Variants in LRP2 observed in about 807,000 individuals in gnomAD.
LRP2 encodes the protein LDL receptor related protein 2, also known as low-density lipoprotein receptor-related protein 2.
LRP2 carries 172 observed loss-of-function variants against 531.0 expected under a neutral mutation model. The ratio of observed to expected loss-of-function variants is 0.32; its 90% CI spans 0.29 to 0.37. The LOEUF is 0.37. Among genes scored for constraint, LRP2 ranks in the 10% least tolerant of loss-of-function variants. The pLI, the probability that LRP2 is intolerant of heterozygous loss-of-function variation, is 1.00. For missense variants in LRP2, 5,167 were observed against 5,868.3 expected, an observed-to-expected ratio of 0.88 and a Z score of 3.90; for synonymous variants, 1,992 against 2,027.6, an observed-to-expected ratio of 0.98 and a Z score of 0.47.
In LRP2 at chr2:169,257,224, G is replaced by A. The variant is rs773623041; in HGVS notation, c.2539C>T (p.Arg847Cys). Residue 847 changes from arginine (R) to cysteine (C), a missense_variant, in exon 18 of 79, where the codon CGT becomes TGT. By Grantham distance (180) the Arg-to-Cys change is radical. This residue lies in a region of LRP2 where 2,811 missense variants were observed against 3,058.0 expected (regional missense o/e 0.92). Transcript: ENST00000649046. ...AGYLFFTDWF[R>C]PAKIMRAWSD... ...CATGCTCTCATAATTTTAGCAGGAC[G>A]GAACCAATCAGTGAAGAATAGATAC... 9.3e-6 allele frequency: 15 copies of A among 1,612,736 alleles called. No homozygotes were observed. The highest frequency in any genetic ancestry group is 1.1e-5 in the Non-Finnish European group (13 of 1,179,082).
intron 50 of LRP2, among the ~76,000 whole-genome samples, chr2:169,184,666 G>C (rs1687563953): frequency 6.6e-6 from 1 of 152,160 alleles, no homozygotes; most frequent in African/African-American, 2.4e-5. Flanking sequence ...GTTTCCATAA[G>C]GGCAATCTCA....
intron 11 of LRP2, among the ~76,000 whole-genome samples, chr2:169,279,950 C>T (rs767062874): frequency 4.6e-5 from 7 of 152,226 alleles, no homozygotes; most frequent in Non-Finnish European, 1.0e-4. Context: ...TACTCGATCC[C>T]GAATTACAGT....
chr2:169,266,289 T>C (rs1287718871), intron 16 of LRP2, among the ~76,000 whole-genome samples: 1 of 151,504 alleles, frequency 6.6e-6, no homozygotes, highest in Non-Finnish European at 1.5e-5. Context: ...AATAGAAGTA[T>C]AAACAAAGCA....
At position 169,176,496 on chromosome 2, in the gene LRP2, C is replaced by T. The variant is rs1404040804; in HGVS notation, c.10486G>A (p.Asp3496Asn). The part of the protein sequence containing the change: ...GKGFTCECPD[D>N]FRTLQLSGST... ...CCACTCAGCTGAAGGGTGCGGAAGTCATCTGGACACTCGCAAGTGAACCCT... is the reference window on the plus strand; with the variant it reads ...CCACTCAGCTGAAGGGTGCGGAAGTTATCTGGACACTCGCAAGTGAACCCT... Residue 3496 changes from aspartate to asparagine, a missense_variant, in exon 54 of 79, where the codon GAC (aspartate) becomes AAC (asparagine). Asp to Asn is a conservative substitution (Grantham distance 23). Around this residue, in one of 6 missense-constraint regions of LRP2, gnomAD observed 1,129 missense variants for 1,362.7 expected, o/e 0.83. Coordinates refer to ENST00000649046, the MANE Select transcript of LRP2 (RefSeq NM_004525.3). 1.2e-6 allele frequency: 2 copies of T among 1,614,192 alleles called. No homozygotes were observed. Among genetic ancestry groups the T allele is most frequent in the Non-Finnish European group, 1.7e-6 (2 of 1,180,032 alleles).
At position 169,222,625 on chromosome 2, in the gene LRP2, A is replaced by G. The variant is rs548970387; in HGVS notation, c.5539-2062T>C. Reference sequence around the variant, plus strand: ...CTATATATACTATATTTTTTCCTACATATACACACCTATGACAAAGTTTAA... The same window carrying G: ...CTATATATACTATATTTTTTCCTACGTATACACACCTATGACAAAGTTTAA... On this transcript the variant is annotated intron_variant, in intron 33 of 78. Transcript: ENST00000649046. Among the ~76,000 whole-genome samples, 3 of 152,318 alleles carry G rather than the reference A, an allele frequency of 2.0e-5. No individual in the cohort carries two copies. In the East Asian group the frequency reaches 5.8e-4, roughly 29 times the overall value.
chr2:169,176,754 G>A (rs1286972625), intron 53 of LRP2, among the ~76,000 whole-genome samples, 166 bp from the exon 54 acceptor site: 1 of 152,150 alleles, frequency 6.6e-6, no homozygotes, highest in African/African-American at 2.4e-5. Context: ...AGATGATAGA[G>A]TTATACAAGC....
At chr2:169,320,587 A>T (rs1007061831) in intron 2 of LRP2, among the ~76,000 whole-genome samples, 190 bp downstream of exon 2, 4 of 152,224 alleles carry the variant, frequency 2.6e-5, no homozygotes, top group African/African-American at 9.6e-5. Context: ...TTGAACCCCT[A>T]CCTCAGAAGG....
At chr2:169,135,096 T>C (rs1363886943) in intron 76 of LRP2, among the ~76,000 whole-genome samples, 3 of 152,160 alleles carry the variant, frequency 2.0e-5, no homozygotes, top group Admixed American at 6.5e-5. Flanking sequence ...CCCATTCTAT[T>C]CTGTCATCAT....
intron 1 of LRP2, among the ~76,000 whole-genome samples, chr2:169,336,584 C>A (rs762025242): frequency 6.6e-6 from 1 of 151,644 alleles, no homozygotes; most frequent in African/African-American, 2.4e-5. Context: ...GAATGAAATA[C>A]CCCATTGCCA....
chr2:169,335,804 A>G (rs1356955037), intron 1 of LRP2, among the ~76,000 whole-genome samples: 1 of 152,208 alleles, frequency 6.6e-6, no homozygotes, highest in African/African-American at 2.4e-5. Context: ...ACTTGAAGTC[A>G]GGAGTTCAAG....
intron 1 of LRP2, among the ~76,000 whole-genome samples, chr2:169,347,588 G>GAA (rs141749952): frequency 2.0e-4 from 28 of 141,774 alleles, no homozygotes; most frequent in Admixed American, 1.1e-3. Flanking sequence ...ATTATAGAGG[G>GAA]AAAAAAAAAA....
rs1689665387 is a variant in LRP2, at chr2:169,237,963, G to A, written c.4506+128C>T. On this transcript the variant is annotated intron_variant, in intron 27 of 78. Coordinates refer to ENST00000649046, the MANE Select transcript of LRP2 (RefSeq NM_004525.3). ...ATGAACACGCAAGTCTCTTGGGTAT[G>A]ATGTGGCCCAGAAGGTACCATGAGA... 2.2e-5 allele frequency: 17 copies of A among 778,474 alleles called. 1 individual carries two copies. The Middle Eastern group carries it at 2.1e-3, about 98-fold the overall frequency. 48.2% of individuals were successfully genotyped at this position (778,474 alleles called of 1,614,324 possible). A position where few individuals can be genotyped will look rare whatever the true frequency, so the allele number is the denominator to read the frequency against.
intron 46 of LRP2, among the ~76,000 whole-genome samples, chr2:169,195,961 T>G: frequency 6.6e-6 from 1 of 152,216 alleles, no homozygotes; most frequent in Middle Eastern, 3.4e-3. Context: ...TAATATTTAC[T>G]GCAATGATAT....
intron 72 of LRP2, among the ~76,000 whole-genome samples, chr2:169,139,979 C>G (rs1159680929): frequency 2.0e-5 from 3 of 152,176 alleles, no homozygotes; most frequent in Non-Finnish European, 2.9e-5. Context: ...TTATCTTGCT[C>G]CATGTTAGAG....
rs141176949 is a variant in LRP2, at chr2:169,150,717, T to G, written c.12590+181A>C. On this transcript the variant is annotated intron_variant, in intron 68 of 78. Coordinates refer to ENST00000649046, the MANE Select transcript of LRP2 (RefSeq NM_004525.3). ...TCTAAAGGAATTTCCCCATCAGAAA[T>G]GGTTGGTTCTATATGATCTCAAGGG... Among the ~76,000 whole-genome samples the G allele has an allele frequency of 0.019, 2,861 of 152,280 alleles. 36 individuals are homozygous for G. The highest frequency in any genetic ancestry group is 0.028 in the Non-Finnish European group (1,923 of 68,030).
In LRP2 at chr2:169,270,950, T is replaced by C. The variant is rs373490242; in HGVS notation, c.2274A>G (p.Ser758=). Residue 758 remains serine (S), a synonymous_variant, in exon 16 of 79, where the codon TCA becomes TCG. Transcript: ENST00000649046. ...FDAQDSTIFF[S]DMSKHMIFKQ... ...TAAAAATCATGTGTTTTGACATATC[T>C]GAAAAAAAGATAGTGCTGTCCTGGG... The C allele has an allele frequency of 1.2e-6, 2 of 1,612,936 alleles. No individual in the cohort carries two copies. Among genetic ancestry groups the C allele is most frequent in the Non-Finnish European group, 8.5e-7 (1 of 1,179,580 alleles).
At chr2:169,203,104 T>C in intron 42 of LRP2, 145 bp from the exon 43 acceptor site, 1 of 715,612 alleles carries the variant, frequency 1.4e-6, no homozygotes, top group South Asian at 1.5e-5. Flanking sequence ...ACCTTTTAAC[T>C]ATATTCTGAG....
intron 4 of LRP2, among the ~76,000 whole-genome samples, chr2:169,304,442 G>C (rs1049622630): frequency 6.6e-6 from 1 of 152,034 alleles, no homozygotes; most frequent in Non-Finnish European, 1.5e-5. Context: ...TCCTCATAAA[G>C]GAACCTAATA....
intron 19 of LRP2, among the ~76,000 whole-genome samples, chr2:169,248,806 G>A (rs1690119614): frequency 7.7e-6 from 1 of 129,402 alleles, no homozygotes; most frequent in Non-Finnish European, 1.6e-5. Flanking sequence ...AGCAGAGCGA[G>A]GCATTGCCTC....
Sources: gnomAD v4.1 joint callset for allele counts (sites outside exome capture counted in the v4.1 genomes callset) on GRCh38, gnomAD v4.1.1 for gene constraint, gnomAD v4.1.1 regional missense constraint, MANE v1.5 for transcripts, NCBI Gene and HGNC (gene_info 2026-07-23, HGNC 2026-07-21) for gene names.